The following LPP variants were observed in gnomAD, a reference collection of about 807,000 sequenced individuals.
LPP encodes the protein lipoma-preferred partner.
In LPP, 38 loss-of-function variants were observed where a neutral mutation model predicts 60.4. That is an observed-to-expected ratio of 0.63 (90% CI 0.49 to 0.83). The LOEUF (loss-of-function observed/expected upper bound fraction) is 0.83. Ranked by LOEUF, LPP falls within the 40% of genes least tolerant of loss-of-function variation. LPP has a pLI of 0.00. For synonymous variants in LPP, 328 were observed against 290.8 expected (o/e 1.13, Z -1.30); for missense variants, 902 against 783.6 (o/e 1.15, Z -1.80).
intron 1 of LPP, among the ~76,000 whole-genome samples, chr3:188,156,963 C>T (rs1283365327): frequency 6.6e-6 from 1 of 152,038 alleles, no homozygotes; most frequent in Non-Finnish European, 1.5e-5. Flanking sequence ...TAGCAGATTC[C>T]TGTATTTTAT....
intron 3 of LPP, 49 bp downstream of exon 3, chr3:188,341,768 T>C: frequency 4.4e-6 from 3 of 679,178 alleles, no homozygotes; most frequent in Non-Finnish European, 5.4e-6. Context: ...AATAGGCATC[T>C]GAGCCAGTAA....
At chr3:188,378,251 A>G (rs982002597) in intron 3 of LPP, among the ~76,000 whole-genome samples, 6 of 152,274 alleles carry the variant, frequency 3.9e-5, no homozygotes, top group Non-Finnish European at 7.4e-5. Context: ...AGGGACATGT[A>G]AGTCTGCAGA....
At chr3:188,732,553 A>T (rs1343995403) in intron 8 of LPP, among the ~76,000 whole-genome samples, 1 of 151,984 alleles carries the variant, frequency 6.6e-6, no homozygotes, top group African/African-American at 2.4e-5. Context: ...CCCCGTCTCT[A>T]CTAAAAATAC....
At chr3:188,530,811 G>C (rs759470929) in intron 6 of LPP, among the ~76,000 whole-genome samples, 1 of 152,180 alleles carries the variant, frequency 6.6e-6, no homozygotes, top group African/African-American at 2.4e-5. Flanking sequence ...TTATGACGTT[G>C]TAACATCTTT....
intron 7 of LPP, among the ~76,000 whole-genome samples, chr3:188,639,818 A>C (rs1286322458): frequency 6.6e-6 from 1 of 152,258 alleles, no homozygotes; most frequent in Non-Finnish European, 1.5e-5. Context: ...CTACAATGAG[A>C]TACCATCTCA....
At chr3:188,832,704 T>C (rs181420112) in intron 9 of LPP, among the ~76,000 whole-genome samples, 3 of 152,338 alleles carry the variant, frequency 2.0e-5, no homozygotes. Flanking sequence ...AGGGTTCTGC[T>C]TCACCATCTT....
intron 2 of LPP, among the ~76,000 whole-genome samples, chr3:188,226,437 G>A (rs1717795263): frequency 6.6e-6 from 1 of 152,178 alleles, no homozygotes; most frequent in Non-Finnish European, 1.5e-5. Flanking sequence ...CCTGTTATGT[G>A]CTCAGAAAGG....
intron 5 of LPP, among the ~76,000 whole-genome samples, chr3:188,522,963 A>G (rs1475052189): frequency 6.6e-6 from 1 of 151,744 alleles, no homozygotes; most frequent in Non-Finnish European, 1.5e-5. Flanking sequence ...GCTGGAGTGC[A>G]GTGGTACGAT....
At position 188,512,558 on chromosome 3, in the gene LPP, TATAA is replaced by T. The variant is rs10663448; in HGVS notation, c.307-12073_307-12070del. Among the ~76,000 whole-genome samples, 313 of 140,732 alleles carry T rather than the reference TATAA, an allele frequency of 2.2e-3. 2 individuals are homozygous for T. The highest frequency in any genetic ancestry group is 0.011 in the Middle Eastern group (3 of 282). 92.3% of individuals were successfully genotyped at this position (140,732 alleles called of 152,430 possible). On this transcript the variant is annotated intron_variant, in intron 5 of 11. Transcript: ENST00000617246. ...TGGGCAACAAGAGCAAAACCCGGTC[TATAA>T]ATAAATAAATAAATAAATAAATAAA... is the stretch of plus-strand genomic sequence containing the variant.
chr3:188,603,603 T>G (rs1194326044), intron 6 of LPP, among the ~76,000 whole-genome samples: 2 of 152,094 alleles, frequency 1.3e-5, no homozygotes, highest in Admixed American at 6.6e-5. Context: ...ACACAAAATG[T>G]TTGCACCAGG....
At chr3:188,548,341 C>G (rs1417863968) in intron 6 of LPP, among the ~76,000 whole-genome samples, 1 of 152,166 alleles carries the variant, frequency 6.6e-6, no homozygotes, top group Non-Finnish European at 1.5e-5. Context: ...CGTGGTGATT[C>G]CTTTTCTTGG....
intron 6 of LPP, among the ~76,000 whole-genome samples, chr3:188,581,136 G>A (rs1040461318): frequency 2.0e-5 from 3 of 152,050 alleles, no homozygotes; most frequent in African/African-American, 7.2e-5. Flanking sequence ...TCACAGGAGG[G>A]TAGTCTTTTT....
rs182622581 is a variant in LPP, at chr3:188,418,727, T to C, written c.193+12414T>C. Among the ~76,000 whole-genome samples the C allele has an allele frequency of 1.3e-3, 198 of 152,260 alleles. 1 individual carries two copies. The highest frequency in any genetic ancestry group is 4.5e-3 in the African/African-American group (189 of 41,566). On this transcript the variant is annotated intron_variant, in intron 4 of 11. Coordinates refer to ENST00000617246, the MANE Select transcript of LPP (RefSeq NM_001375462.1). ...TGGATGTCTATGATGTATACAAATA[T>C]AAAACAGCCAAAGTAGTCTCAAGAA...
intron 9 of LPP, among the ~76,000 whole-genome samples, chr3:188,774,278 G>A (rs1281431521): frequency 2.6e-5 from 4 of 151,940 alleles, no homozygotes; most frequent in Admixed American, 6.6e-5. Flanking sequence ...CCTTCCAACT[G>A]AAGACAAGCA....
chr3:188,722,276 A>G (rs1716735003), intron 8 of LPP, among the ~76,000 whole-genome samples: 1 of 152,192 alleles, frequency 6.6e-6, no homozygotes, highest in Non-Finnish European at 1.5e-5. Context: ...ATTTTCAGTA[A>G]TGGTGTTCAG....
At chr3:188,592,863 T>C (rs1173209575) in intron 6 of LPP, among the ~76,000 whole-genome samples, 5 of 152,070 alleles carry the variant, frequency 3.3e-5, no homozygotes, top group Admixed American at 1.3e-4. Flanking sequence ...ATGAATACAC[T>C]GTCTTACACG....
At chr3:188,622,946 C>T (rs1193742249) in intron 7 of LPP, among the ~76,000 whole-genome samples, 2 of 149,630 alleles carry the variant, frequency 1.3e-5, no homozygotes, top group African/African-American at 2.5e-5. Flanking sequence ...GGGAATCGCT[C>T]GAACCTGAGA....
intron 2 of LPP, among the ~76,000 whole-genome samples, chr3:188,282,371 G>A (rs1742405435): frequency 6.6e-6 from 1 of 152,112 alleles, no homozygotes; most frequent in Non-Finnish European, 1.5e-5. Flanking sequence ...AGCTTCAGGA[G>A]GCCATGGTAG....
intron 4 of LPP, among the ~76,000 whole-genome samples, 173 bp downstream of exon 4, chr3:188,406,486 T>C (rs1400254863): frequency 6.6e-6 from 1 of 152,200 alleles, no homozygotes; most frequent in Non-Finnish European, 1.5e-5. Flanking sequence ...AACCCCGTCT[T>C]TTAGGAAAAA....
Sources: allele counts gnomAD v4.1 joint callset (sites outside exome capture counted in the v4.1 genomes callset), GRCh38; gene constraint gnomAD v4.1.1; transcripts MANE v1.5; gene names NCBI Gene and HGNC (gene_info 2026-07-23, HGNC 2026-07-21).